Variants in DSCAML1 observed in about 807,000 individuals in gnomAD.
DSCAML1 encodes cell adhesion molecule DSCAML1.
A neutral mutation model predicts 200.5 loss-of-function variants in DSCAML1; 38 were observed. That is an observed-to-expected ratio of 0.19 (90% CI 0.15 to 0.25). The LOEUF (loss-of-function observed/expected upper bound fraction) is 0.25. Ranked by LOEUF, DSCAML1 falls within the 10% of genes least tolerant of loss-of-function variation. The pLI is 1.00. For missense variants in DSCAML1, 2,223 were observed against 2,858.8 expected, an observed-to-expected ratio of 0.78 and a Z score of 5.07; for synonymous variants, 1,215 against 1,165.0, an observed-to-expected ratio of 1.04 and a Z score of -0.87.
At chr11:117,733,926 C>G (rs1267145853) in intron 3 of DSCAML1, among the ~76,000 whole-genome samples, 2 of 151,428 alleles carry the variant, frequency 1.3e-5, no homozygotes, top group Non-Finnish European at 2.9e-5. Flanking sequence ...CCTCCAATCT[C>G]AGGGACCAAT....
intron 3 of DSCAML1, among the ~76,000 whole-genome samples, chr11:117,687,647 G>C (rs771633581): frequency 1.3e-5 from 2 of 152,052 alleles, no homozygotes; most frequent in Non-Finnish European, 2.9e-5. Flanking sequence ...GTACCCAACA[G>C]TGTATGGCAC....
intron 3 of DSCAML1, among the ~76,000 whole-genome samples, chr11:117,776,307 G>A (rs1430528746): frequency 1.3e-5 from 2 of 152,178 alleles, no homozygotes; most frequent in Non-Finnish European, 2.9e-5. Flanking sequence ...AAGAAGGGAA[G>A]AAGGAAAGTC....
chr11:117,605,383 C>G (rs1481554275), intron 3 of DSCAML1, among the ~76,000 whole-genome samples: 1 of 152,194 alleles, frequency 6.6e-6, no homozygotes, highest in African/African-American at 2.4e-5. Context: ...CTACCCCAAG[C>G]TCTGGGAGCC....
At chr11:117,593,832 T>C (rs1165344426) in intron 3 of DSCAML1, among the ~76,000 whole-genome samples, 4 of 151,778 alleles carry the variant, frequency 2.6e-5, no homozygotes, top group African/African-American at 9.7e-5. Context: ...CTGCCTCAGC[T>C]TCCCAAGTAG....
chr11:117,599,301 G>A (rs1045110470), intron 3 of DSCAML1, among the ~76,000 whole-genome samples: 3 of 152,078 alleles, frequency 2.0e-5, no homozygotes, highest in Admixed American at 6.5e-5. Flanking sequence ...ATTTAGTTCT[G>A]GTCCATATAC....
Position 117,630,712 on chromosome 11 carries a change from C to T in DSCAML1, c.512-98190G>A, listed in dbSNP as rs564710522. 1.8e-4 allele frequency among the ~76,000 whole-genome samples: 26 copies of T among 145,646 alleles called. 1 individual carries two copies. The highest frequency in any genetic ancestry group is 1.5e-3 in the Admixed American group (22 of 14,306). ...GGCATAGGGTGGTAGAAGGCAGGGC[C>T]GGTGTCTGAAAACAGGAAGCCAAGT... On this transcript the variant is annotated intron_variant, in intron 3 of 32. Transcript: ENST00000651296.
At chr11:117,792,518 C>G (rs942007490) in intron 1 of DSCAML1, among the ~76,000 whole-genome samples, 1 of 151,836 alleles carries the variant, frequency 6.6e-6, no homozygotes. Flanking sequence ...CCTGAAGCTG[C>G]CCTAGGGGAG....
intron 19 of DSCAML1, among the ~76,000 whole-genome samples, chr11:117,451,975 A>G (rs1423128504): frequency 6.6e-6 from 1 of 152,156 alleles, no homozygotes; most frequent in Non-Finnish European, 1.5e-5. Context: ...GCTAAATAAA[A>G]TAACTAGATA....
chr11:117,438,637 G>A (rs1355567138), intron 24 of DSCAML1, among the ~76,000 whole-genome samples: 2 of 152,190 alleles, frequency 1.3e-5, no homozygotes, highest in African/African-American at 4.8e-5. Context: ...CCCAGACTCA[G>A]AGAGGGAAAC....
chr11:117,806,576 C>G (rs1468473306), intron 1 of DSCAML1, among the ~76,000 whole-genome samples: 6 of 152,208 alleles, frequency 3.9e-5, no homozygotes. Context: ...GCTAATTACT[C>G]CAGATGCATA....
At chr11:117,701,571 C>T (rs7101717) in intron 3 of DSCAML1, among the ~76,000 whole-genome samples, 2,065 of 152,284 alleles carry the variant, frequency 0.014, 51 homozygotes, top group African/African-American at 0.046. Context: ...GGAAGAGCCA[C>T]GAGGGCTGTG....
At chr11:117,752,352 A>G (rs1242486986) in intron 3 of DSCAML1, among the ~76,000 whole-genome samples, 1 of 152,232 alleles carries the variant, frequency 6.6e-6, no homozygotes, top group Non-Finnish European at 1.5e-5. Context: ...GGTCTCATTA[A>G]TAATCCCACC....
rs1458879512 is a variant in DSCAML1 at position 117,504,835 on chromosome 11, C to T, written c.2182+89G>A. ...GACTCCCATCCAGGGATAGGAGTTGCCTGCATGGAACAGGTTCAAATCCCA... is the reference window on the plus strand; with the variant it reads ...GACTCCCATCCAGGGATAGGAGTTGTCTGCATGGAACAGGTTCAAATCCCA... On this transcript the variant is annotated intron_variant, in intron 10 of 32. Coordinates refer to ENST00000651296, the MANE Select transcript of DSCAML1 (RefSeq NM_020693.4). The surrounding 1 kb of genome is among the most constrained non-coding windows in gnomAD (Gnocchi z 5.0). The T allele has an allele frequency of 6.8e-7, 1 of 1,479,396 alleles. No homozygotes were observed. The highest frequency in any genetic ancestry group is 9.0e-7 in the Non-Finnish European group (1 of 1,109,006). The allele number at this position is 1,479,396 out of a possible 1,614,324, so 91.6% of individuals were successfully genotyped here.
At position 117,785,004 on chromosome 11, in the gene DSCAML1, C is replaced by T. The variant is rs557206555; in HGVS notation, c.47-4194G>A. 2.0e-5 allele frequency among the ~76,000 whole-genome samples: 3 copies of T among 152,352 alleles called. No homozygotes were observed. In the South Asian group the frequency reaches 6.2e-4, roughly 32 times the overall value. On this transcript the variant is annotated intron_variant, in intron 1 of 32. Transcript: ENST00000651296. ...CAGAATTCCAAGCCCTCTCCAAACC[C>T]TACTTCCTCTCGGCTGACTCCTGCA...
chr11:117,755,239 A>G (rs953242491), intron 3 of DSCAML1, among the ~76,000 whole-genome samples: 2 of 152,138 alleles, frequency 1.3e-5, no homozygotes, highest in African/African-American at 4.8e-5. Flanking sequence ...GAAACACTCA[A>G]AAGACCAGGG....
At chr11:117,486,053 A>G (rs1480032924) in intron 11 of DSCAML1, among the ~76,000 whole-genome samples, 1 of 152,250 alleles carries the variant, frequency 6.6e-6, no homozygotes, top group Non-Finnish European at 1.5e-5. Context: ...TCACATGTAC[A>G]AGTGGCAGGG....
At chr11:117,439,719 C>A in intron 22 of DSCAML1, 100 bp downstream of exon 22, 1 of 1,170,588 alleles carries the variant, frequency 8.5e-7, no homozygotes, top group Non-Finnish European at 1.3e-6. Flanking sequence ...TGGAGGCAAC[C>A]GGGTCACCAG....
At chr11:117,747,517 A>G (rs983220324) in intron 3 of DSCAML1, among the ~76,000 whole-genome samples, 6 of 152,148 alleles carry the variant, frequency 3.9e-5, no homozygotes, top group Admixed American at 6.5e-5. Context: ...GGAGTTACAC[A>G]TGACTCCATG....
chr11:117,512,887 CGCCGAGACGGAATGCATCAGATTCAATT>C (rs2049671409), intron 8 of DSCAML1, among the ~76,000 whole-genome samples: 1 of 151,966 alleles, frequency 6.6e-6, no homozygotes, highest in African/African-American at 2.4e-5. Flanking sequence ...CCCAGCGAGT[CGCCGAGACGGAATGCATCAGATTCAATT>C]CATTAGGACT....
Sources: allele counts gnomAD v4.1 joint callset (sites outside exome capture counted in the v4.1 genomes callset), GRCh38; gene constraint gnomAD v4.1.1; non-coding constraint Gnocchi (gnomAD v3.1); transcripts MANE v1.5; gene names NCBI Gene and HGNC (gene_info 2026-07-23, HGNC 2026-07-21).